MCTP1: variants seen among roughly 807,000 people sequenced by gnomAD.
MCTP1 encodes multiple C2 and transmembrane domain-containing protein 1.
A neutral mutation model predicts 120.6 loss-of-function variants in MCTP1; 69 were observed. That is an observed-to-expected ratio of 0.57 (90% CI 0.47 to 0.70). MCTP1 has a LOEUF of 0.70. Among genes scored for constraint, MCTP1 ranks in the 30% least tolerant of loss-of-function variants. The pLI, the probability that MCTP1 is intolerant of heterozygous loss-of-function variation, is 0.00. For missense variants in MCTP1, 1,203 were observed against 1,248.8 expected (o/e 0.96, Z 0.55); for synonymous variants, 529 against 493.1 (o/e 1.07, Z -0.96).
chr5:95,072,170 A>G (rs1288717312), intron 1 of MCTP1, among the ~76,000 whole-genome samples: 2 of 150,276 alleles, frequency 1.3e-5, no homozygotes, highest in Non-Finnish European at 3.0e-5. Context: ...GTTCTGGAAG[A>G]ACCAATGTAC....
At chr5:94,794,977 G>A (rs1428421534) in intron 18 of MCTP1, among the ~76,000 whole-genome samples, 2 of 152,300 alleles carry the variant, frequency 1.3e-5, no homozygotes, top group African/African-American at 4.8e-5. Context: ...GTGGTTCGGA[G>A]TATAAACTTC....
At chr5:94,743,486 G>A (rs757286595) in intron 19 of MCTP1, among the ~76,000 whole-genome samples, 1 of 152,138 alleles carries the variant, frequency 6.6e-6, no homozygotes. Flanking sequence ...GGAGCTATCC[G>A]ACACAAACGG....
At position 95,080,110 on chromosome 5, in the gene MCTP1, C is replaced by T. The variant is rs975439687; in HGVS notation, c.721-62626G>A. On this transcript the variant is annotated intron_variant, in intron 1 of 22. Transcript: ENST00000515393. ...ATCTCTTTTTGCTAACCACTTTCAA[C>T]AAATACAGTGTATCAAAACAATCTA... 2.0e-5 allele frequency among the ~76,000 whole-genome samples: 3 copies of T among 152,264 alleles called. No homozygotes were observed. In the East Asian group the frequency reaches 5.8e-4, roughly 29 times the overall value.
At chr5:95,188,449 T>C (rs1307482785) in intron 1 of MCTP1, among the ~76,000 whole-genome samples, 1 of 152,186 alleles carries the variant, frequency 6.6e-6, no homozygotes, top group Non-Finnish European at 1.5e-5. Context: ...CACAAAAACA[T>C]GTACACTAAT....
intron 19 of MCTP1, among the ~76,000 whole-genome samples, chr5:94,765,708 G>GAAAAAAAAAAAAAAAAAAAAA (rs70978128): frequency 9.2e-6 from 1 of 109,136 alleles, no homozygotes; most frequent in Non-Finnish European, 1.9e-5. Context: ...TCTCAAAAAA[G>GAAAAAAAAAAAAAAAAAAAAA]AAAAAAAAAA....
rs151176930 is a variant in MCTP1 at position 95,269,970 on chromosome 5, A to G, written c.720+13886T>C. Among the ~76,000 whole-genome samples the G allele has an allele frequency of 2.2e-3, 334 of 152,334 alleles. 7 individuals are homozygous for G. The highest frequency in any genetic ancestry group is 0.019 in the Admixed American group (297 of 15,292). ...TAGATATATTTCGTTTATTTCCCCTAAAACTATGCCTTTCAGGGGACAAGA... is the reference window on the plus strand; with the variant it reads ...TAGATATATTTCGTTTATTTCCCCTGAAACTATGCCTTTCAGGGGACAAGA... On this transcript the variant is annotated intron_variant, in intron 1 of 22. Transcript: ENST00000515393.
At chr5:94,730,695 T>C (rs1468391409) in intron 19 of MCTP1, among the ~76,000 whole-genome samples, 1 of 152,140 alleles carries the variant, frequency 6.6e-6, no homozygotes, top group Non-Finnish European at 1.5e-5. Context: ...GAGGAGCTCA[T>C]TGGACATCTC....
intron 1 of MCTP1, among the ~76,000 whole-genome samples, chr5:95,072,172 C>T (rs570391186): frequency 2.7e-5 from 4 of 149,080 alleles, no homozygotes; most frequent in Non-Finnish European, 5.9e-5. Flanking sequence ...TCTGGAAGAA[C>T]CAATGTACCC....
At chr5:94,854,975 T>G (rs76981789) in intron 17 of MCTP1, among the ~76,000 whole-genome samples, 1 of 151,938 alleles carries the variant, frequency 6.6e-6, no homozygotes, top group East Asian at 1.9e-4. Flanking sequence ...AAAGCCTACC[T>G]AGTAACTTTC....
intron 1 of MCTP1, among the ~76,000 whole-genome samples, chr5:95,132,440 A>T (rs1014331104): frequency 1.3e-5 from 2 of 152,254 alleles, no homozygotes; most frequent in Non-Finnish European, 2.9e-5. Context: ...CAATACAGAA[A>T]TATTAAGTGC....
chr5:94,757,738 AT>A (rs1233320994), intron 19 of MCTP1, among the ~76,000 whole-genome samples: 4 of 152,198 alleles, frequency 2.6e-5, no homozygotes, highest in Non-Finnish European at 5.9e-5. Context: ...TGCTTGTTGC[AT>A]GGATGGATGA....
intron 8 of MCTP1, among the ~76,000 whole-genome samples, chr5:94,914,782 T>C (rs776734827): frequency 1.3e-5 from 2 of 152,226 alleles, no homozygotes; most frequent in Non-Finnish European, 2.9e-5. Context: ...GATTTCCACA[T>C]TGGATTTTGT....
At position 94,826,672 on chromosome 5, in the gene MCTP1, T is replaced by TTCTTCTCTTATACACACTCCA. The variant is rs1787141394; in HGVS notation, c.2437-27561_2437-27541dup. On this transcript the variant is annotated intron_variant, in intron 17 of 22. Coordinates refer to ENST00000515393, the MANE Select transcript of MCTP1 (RefSeq NM_024717.7). ...TTTCTGGCACAGCAGGAACCTTCTCTTCTTCTCTTATACACACTCCATGGT... is the reference window on the plus strand; with the variant it reads ...TTTCTGGCACAGCAGGAACCTTCTCTTCTTCTCTTATACACACTCCATCTTCTCTTATACACACTCCATGGT... 4.3e-6 allele frequency: 3 copies of TTCTTCTCTTATACACACTCCA among 702,116 alleles called. No homozygotes were observed. In the African/African-American group the frequency reaches 5.3e-5, roughly 12 times the overall value. The allele number at this position is 702,116 out of a possible 1,614,324, so 43.5% of individuals were successfully genotyped here. A position where few individuals can be genotyped will look rare whatever the true frequency, so the allele number is the denominator to read the frequency against.
At chr5:95,208,419 C>T (rs944699856) in intron 1 of MCTP1, among the ~76,000 whole-genome samples, 4 of 152,116 alleles carry the variant, frequency 2.6e-5, no homozygotes, top group Non-Finnish European at 4.4e-5. Context: ...CTGTATTTAC[C>T]ACTTCATCAA....
At chr5:94,914,282 C>T (rs1281260023) in intron 8 of MCTP1, among the ~76,000 whole-genome samples, 6 of 152,174 alleles carry the variant, frequency 3.9e-5, no homozygotes, top group African/African-American at 1.4e-4. Context: ...TTCTAAATTA[C>T]GGATTAGCAC....
chr5:95,054,962 C>G (rs1746992265), intron 1 of MCTP1, among the ~76,000 whole-genome samples: 1 of 152,084 alleles, frequency 6.6e-6, no homozygotes, highest in Non-Finnish European at 1.5e-5. Context: ...TATACGCCAC[C>G]ACACCTGGCT....
At chr5:95,115,950 T>C (rs568331118) in intron 1 of MCTP1, among the ~76,000 whole-genome samples, 2 of 151,602 alleles carry the variant, frequency 1.3e-5, no homozygotes, top group African/African-American at 4.8e-5. Context: ...AGTGCAAACC[T>C]CACAGACCAG....
chr5:95,222,697 C>T (rs1329546122), intron 1 of MCTP1, among the ~76,000 whole-genome samples: 1 of 152,138 alleles, frequency 6.6e-6, no homozygotes, highest in African/African-American at 2.4e-5. Flanking sequence ...TTTTTCTATG[C>T]AGGCCTTACT....
chr5:94,717,977 T>G, intron 19 of MCTP1, among the ~76,000 whole-genome samples: 1 of 152,108 alleles, frequency 6.6e-6, no homozygotes, highest in East Asian at 1.9e-4. Flanking sequence ...ATTCCCAAAC[T>G]ACCACTGACC....
Sources: gnomAD v4.1 joint callset for allele counts (sites outside exome capture counted in the v4.1 genomes callset) on GRCh38, gnomAD v4.1.1 for gene constraint, MANE v1.5 for transcripts, NCBI Gene and HGNC (gene_info 2026-07-23, HGNC 2026-07-21) for gene names.